MICU1: variants seen among roughly 807,000 people sequenced by gnomAD.
MICU1 encodes mitochondrial calcium uptake 1, also known as calcium uptake protein 1, mitochondrial.
MICU1 carries 45 observed loss-of-function variants against 56.8 expected under a neutral mutation model. The observed-to-expected ratio is 0.79, with a 90% CI of 0.62 to 1.02. The LOEUF is 1.02. Ranked by LOEUF, MICU1 falls within the 50% of genes least tolerant of loss-of-function variation. The probability of loss-of-function intolerance (pLI) is 0.00; values close to 1 mark genes in which losing one functional copy is unlikely to be tolerated. For missense variants in MICU1, 504 were observed against 587.1 expected, an observed-to-expected ratio of 0.86 and a Z score of 1.46; for synonymous variants, 186 against 195.1, an observed-to-expected ratio of 0.95 and a Z score of 0.39.
chr10:72,477,448 CAA>C, intron 6 of MICU1, 192 bp from the exon 7 acceptor site: 13 of 1,468,616 alleles, frequency 8.9e-6, no homozygotes, highest in Non-Finnish European at 1.1e-5. Flanking sequence ...TCCTTGAAAC[CAA>C]AAAAGAGTAG....
chr10:72,535,431 T>C (rs1311365387), intron 4 of MICU1, among the ~76,000 whole-genome samples: 3 of 152,098 alleles, frequency 2.0e-5, no homozygotes, highest in Admixed American at 2.0e-4. Context: ...AAATATAAGA[T>C]AGAATTATAG....
chr10:72,404,235 C>A (rs1863556986), intron 10 of MICU1, among the ~76,000 whole-genome samples: 1 of 152,032 alleles, frequency 6.6e-6, no homozygotes, highest in Non-Finnish European at 1.5e-5. Context: ...AGTGATCCAC[C>A]CACCTTCCAA....
intron 2 of MICU1, among the ~76,000 whole-genome samples, chr10:72,565,842 CAG>C (rs1368431942): frequency 2.0e-5 from 3 of 151,686 alleles, no homozygotes; most frequent in Admixed American, 1.3e-4. Flanking sequence ...AAATAAAAAA[CAG>C]AGAGTGACAG....
intron 11 of MICU1, among the ~76,000 whole-genome samples, chr10:72,369,929 G>A (rs938318985): frequency 6.6e-6 from 1 of 151,490 alleles, no homozygotes; most frequent in African/African-American, 2.4e-5. Flanking sequence ...CACCCAGGCT[G>A]GAGTGCAGTG....
intron 5 of MICU1, chr10:72,533,238 ATT>A (rs1839539769): frequency 1.1e-5 from 9 of 792,574 alleles, no homozygotes; most frequent in Non-Finnish European, 1.4e-5. Flanking sequence ...CCTAAGAATA[ATT>A]TGTTATATTA....
In MICU1 at chr10:72,446,930, TTC is replaced by T. The variant is rs1274624156; in HGVS notation, c.934-23561_934-23560del. Among the ~76,000 whole-genome samples the T allele has an allele frequency of 2.6e-5, 4 of 152,314 alleles. No individual in the cohort carries two copies. In the East Asian group the frequency reaches 7.7e-4, roughly 29 times the overall value. On this transcript the variant is annotated intron_variant, in intron 8 of 11. Transcript: ENST00000361114. ...AGCTCTATTTAAAGAGAAATAAACT[TTC>T]TGTCTTCTACAAAGACAACAAAAAA... is the stretch of plus-strand genomic sequence containing the variant.
At chr10:72,616,652 A>G (rs374594543) in intron 1 of MICU1, among the ~76,000 whole-genome samples, 3,202 of 139,544 alleles carry the variant, frequency 0.023, 112 homozygotes, top group African/African-American at 0.088. Flanking sequence ...GGTTGGTGGG[A>G]AAAAAAAAAA....
intron 6 of MICU1, among the ~76,000 whole-genome samples, chr10:72,500,929 T>C (rs1172203554): frequency 6.6e-6 from 1 of 152,194 alleles, no homozygotes; most frequent in African/African-American, 2.4e-5. Context: ...TTTAAGACCA[T>C]CAGCTAATGT....
chr10:72,584,562 T>TC (rs1840993215), intron 1 of MICU1, among the ~76,000 whole-genome samples: 1 of 151,826 alleles, frequency 6.6e-6, no homozygotes, highest in African/African-American at 2.4e-5. Context: ...TACATACTTT[T>TC]TTTTTTTGGA....
intron 1 of MICU1, among the ~76,000 whole-genome samples, chr10:72,619,608 G>A (rs1264122001): frequency 6.6e-6 from 1 of 152,102 alleles, no homozygotes; most frequent in Non-Finnish European, 1.5e-5. Context: ...CTCAATCTAA[G>A]ACAATACATA....
chr10:72,533,622 A>C, intron 5 of MICU1, 124 bp downstream of exon 5: 4 of 652,638 alleles, frequency 6.1e-6, no homozygotes, highest in Non-Finnish European at 1.0e-5. Context: ...CCCCTAACCT[A>C]AGCATGCTCT....
chr10:72,492,204 T>C lies in MICU1; in HGVS notation c.653-14948A>G, dbSNP rs1589273787. Among the ~76,000 whole-genome samples the C allele has an allele frequency of 4.6e-5, 7 of 152,230 alleles. No individual in the cohort carries two copies. The South Asian group carries it at 1.5e-3, about 32-fold the overall frequency. On this transcript the variant is annotated intron_variant, in intron 6 of 11. Coordinates refer to ENST00000361114, the MANE Select transcript of MICU1 (RefSeq NM_001195518.2). ...TACTCTGAGACGGACTGGAAGTCTT[T>C]GGGGGATTTTTGGGCAGTGGAATGA...
chr10:72,435,383 T>TAAAAAA (rs1181307477), intron 8 of MICU1, among the ~76,000 whole-genome samples: 1 of 63,162 alleles, frequency 1.6e-5, no homozygotes, highest in Non-Finnish European at 2.9e-5. Flanking sequence ...GAGACCCTGT[T>TAAAAAA]ACAAAAAAAA....
intron 3 of MICU1, 72 bp from the exon 4 acceptor site, chr10:72,551,413 T>C: frequency 9.0e-6 from 9 of 1,004,772 alleles, no homozygotes; most frequent in Non-Finnish European, 1.2e-5. Context: ...TTATCATCAC[T>C]GCTCATCAAT....
chr10:72,438,707 A>T (rs1864819498), intron 8 of MICU1, among the ~76,000 whole-genome samples: 1 of 152,198 alleles, frequency 6.6e-6, no homozygotes, highest in Non-Finnish European at 1.5e-5. Context: ...ATAGAAAATG[A>T]TAAAGGGGAG....
At chr10:72,481,792 C>G (rs1361102259) in intron 6 of MICU1, among the ~76,000 whole-genome samples, 1 of 152,178 alleles carries the variant, frequency 6.6e-6, no homozygotes, top group Non-Finnish European at 1.5e-5. Flanking sequence ...GCATAATTTA[C>G]TTTCTACACG....
rs1450749041 is a variant in MICU1 at position 72,421,015 on chromosome 10, A to AAT, written c.1071+2218_1071+2219insAT. ...GAAACTCCGTCTCAAAAAAAAAAAA[A>AAT]AAATAATAATAATAATAATAATAAT... On this transcript the variant is annotated intron_variant, in intron 9 of 11. Transcript: ENST00000361114. 4.1e-4 allele frequency among the ~76,000 whole-genome samples: 58 copies of AAT among 141,206 alleles called. 1 individual carries two copies. Among genetic ancestry groups the AAT allele is most frequent in the Non-Finnish European group, 6.8e-4 (44 of 64,490 alleles). The allele number at this position is 141,206 out of a possible 152,430, so 92.6% of individuals were successfully genotyped here. A position where few individuals can be genotyped will look rare whatever the true frequency, so the allele number is the denominator to read the frequency against.
intron 10 of MICU1, among the ~76,000 whole-genome samples, chr10:72,382,826 T>C (rs1223455084): frequency 6.6e-6 from 1 of 152,176 alleles, no homozygotes. Flanking sequence ...AGGGAATCAC[T>C]TGAACCCGGG....
chr10:72,602,087 C>G (rs1404886860), intron 1 of MICU1, among the ~76,000 whole-genome samples: 3 of 151,682 alleles, frequency 2.0e-5, no homozygotes, highest in Admixed American at 6.6e-5. Flanking sequence ...CATGAGCCAC[C>G]ATGCCTGGAG....
Sources: allele counts gnomAD v4.1 joint callset (sites outside exome capture counted in the v4.1 genomes callset), GRCh38; gene constraint gnomAD v4.1.1; transcripts MANE v1.5; gene names NCBI Gene and HGNC (gene_info 2026-07-23, HGNC 2026-07-21).